The following TBC1D5 variants were observed in gnomAD, a reference collection of about 807,000 sequenced individuals.
TBC1D5 encodes TBC1 domain family member 5.
A neutral mutation model predicts 100.3 loss-of-function variants in TBC1D5; 75 were observed. That is an observed-to-expected ratio of 0.75 (90% CI 0.62 to 0.91). TBC1D5 has a LOEUF of 0.91. TBC1D5 is among the 40% of genes least tolerant of loss of function. The pLI is 0.00. For synonymous variants in TBC1D5, 323 were observed against 325.6 expected (o/e 0.99, Z 0.09); for missense variants, 910 against 942.4 (o/e 0.97, Z 0.45).
At chr3:17,646,620 C>T (rs1289793149) in intron 1 of TBC1D5, among the ~76,000 whole-genome samples, 1 of 152,140 alleles carries the variant, frequency 6.6e-6, no homozygotes, top group Non-Finnish European at 1.5e-5. Flanking sequence ...CAATCACCAT[C>T]ATGCCCCTGG....
intron 13 of TBC1D5, among the ~76,000 whole-genome samples, chr3:17,356,964 G>C (rs955392315): frequency 6.7e-6 from 1 of 149,582 alleles, no homozygotes; most frequent in East Asian, 1.9e-4. Context: ...TAAAAGTGGG[G>C]GTTGTGGGGA....
At chr3:17,685,684 C>T (rs1577461964) in intron 1 of TBC1D5, among the ~76,000 whole-genome samples, 2 of 152,040 alleles carry the variant, frequency 1.3e-5, no homozygotes, top group Admixed American at 1.3e-4. Flanking sequence ...TCTCATACAT[C>T]ATTAATATAA....
chr3:17,635,166 G>C (rs996701943), intron 1 of TBC1D5, among the ~76,000 whole-genome samples: 1 of 152,168 alleles, frequency 6.6e-6, no homozygotes, highest in Non-Finnish European at 1.5e-5. Context: ...CAACAGAGAT[G>C]GGGAAGACTA....
At chr3:17,739,528 C>A (rs1019443071) in exon 1 of TBC1D5, 1 of 152,144 alleles carries the variant, frequency 6.6e-6, no homozygotes, top group Admixed American at 6.5e-5. Context: ...AGGACAAGCC[C>A]AGGCAGGAAA....
chr3:17,704,661 A>C (rs2073745202), intron 1 of TBC1D5, among the ~76,000 whole-genome samples: 1 of 52,818 alleles, frequency 1.9e-5, no homozygotes, highest in African/African-American at 6.5e-5. Context: ...CGACCCCCCC[A>C]CCTCCCTCCC....
chr3:17,322,921 T>C (rs283932), intron 13 of TBC1D5, among the ~76,000 whole-genome samples: 108,351 of 152,114 alleles, frequency 0.71, 38,815 homozygotes, highest in African/African-American at 0.79. Context: ...ACCCGACAGG[T>C]GCCATCGTGC....
chr3:17,200,050 C>T (rs2071264975), intron 18 of TBC1D5, among the ~76,000 whole-genome samples: 1 of 124,988 alleles, frequency 8.0e-6, no homozygotes, highest in South Asian at 2.4e-4. Flanking sequence ...TCCCTTTTCA[C>T]AATTGTTTTT....
At chr3:17,233,889 A>T (rs1265870851) in intron 17 of TBC1D5, 139 bp from the exon 18 acceptor site, 1 of 500,318 alleles carries the variant, frequency 2.0e-6, no homozygotes, top group Admixed American at 3.8e-5. Flanking sequence ...ACAAGCTTAG[A>T]AAAATATAAA....
At chr3:17,644,927 TCAAAACAAAA>T (rs529583323) in intron 1 of TBC1D5, among the ~76,000 whole-genome samples, 192 of 152,080 alleles carry the variant, frequency 1.3e-3, no homozygotes, top group African/African-American at 4.3e-3. Flanking sequence ...TTTAATTTAT[TCAAAACAAAA>T]CAAAACAAAA....
intron 2 of TBC1D5, among the ~76,000 whole-genome samples, chr3:17,552,799 A>T (rs1026303967): frequency 6.6e-6 from 1 of 152,154 alleles, no homozygotes; most frequent in African/African-American, 2.4e-5. Flanking sequence ...GGAGTTTGTC[A>T]TGGGAGTTTG....
intron 13 of TBC1D5, among the ~76,000 whole-genome samples, chr3:17,310,652 G>C (rs945277586): frequency 7.2e-5 from 11 of 151,948 alleles, no homozygotes; most frequent in Non-Finnish European, 2.9e-5. Context: ...TACAGGCATT[G>C]ATCTTGTTAG....
At chr3:17,617,749 G>C (rs1452028392) in intron 2 of TBC1D5, among the ~76,000 whole-genome samples, 3 of 152,124 alleles carry the variant, frequency 2.0e-5, no homozygotes. Flanking sequence ...AGCTCCATCA[G>C]GTCATTTAAG....
rs551239186 is a variant in TBC1D5 at position 17,340,952 on chromosome 3, G to A, written c.995+31123C>T. On this transcript the variant is annotated intron_variant, in intron 13 of 21. Coordinates refer to ENST00000253692, the Ensembl canonical transcript of TBC1D5. Reference sequence around the variant, plus strand: ...ATAAACTTCTGAACAACAGGCACTGGCTTCTGCAACTTACAACGTTCTGAA... The same window carrying A: ...ATAAACTTCTGAACAACAGGCACTGACTTCTGCAACTTACAACGTTCTGAA... 1.4e-4 allele frequency among the ~76,000 whole-genome samples: 22 copies of A among 152,242 alleles called. No homozygotes were observed. The South Asian group carries it at 1.7e-3, about 11-fold the overall frequency.
intron 9 of TBC1D5, 100 bp from the exon 10 acceptor site, chr3:17,376,713 T>A: frequency 1.1e-6 from 1 of 903,120 alleles, no homozygotes; most frequent in Non-Finnish European, 1.6e-6. Flanking sequence ...CAATTCCCAC[T>A]AGCAAAATTT....
intron 17 of TBC1D5, among the ~76,000 whole-genome samples, chr3:17,226,846 A>G (rs1002500895): frequency 8.5e-5 from 13 of 152,280 alleles, no homozygotes; most frequent in African/African-American, 2.9e-4. Context: ...TTTAGATTGT[A>G]AGACATTCTT....
intron 13 of TBC1D5, among the ~76,000 whole-genome samples, chr3:17,342,482 A>C (rs2089154338): frequency 6.6e-6 from 1 of 152,222 alleles, no homozygotes. Flanking sequence ...CTGTATTTCT[A>C]GTTAGTACAG....
chr3:17,381,916 A>G (rs1457523392), intron 9 of TBC1D5, among the ~76,000 whole-genome samples: 1 of 152,036 alleles, frequency 6.6e-6, no homozygotes. Flanking sequence ...GCACGTCAAT[A>G]TCCTTTTCTT....
chr3:17,636,754 T>C (rs973022555), intron 1 of TBC1D5, among the ~76,000 whole-genome samples: 26 of 151,550 alleles, frequency 1.7e-4, no homozygotes, highest in Admixed American at 4.6e-4. Context: ...CAAGCCGAGA[T>C]CATGCCACTG....
chr3:17,401,320 GTGTATAATATACATATA>G (rs66588897), intron 8 of TBC1D5, among the ~76,000 whole-genome samples: 106,895 of 119,540 alleles, frequency 0.89, 47,953 homozygotes, highest in Admixed American at 0.92. Context: ...ATATATGTAT[GTGTATAATATACATATA>G]TGTATAATAT....
Sources: allele counts gnomAD v4.1 joint callset (sites outside exome capture counted in the v4.1 genomes callset), GRCh38; gene constraint gnomAD v4.1.1; transcripts MANE v1.5; gene names NCBI Gene and HGNC (gene_info 2026-07-23, HGNC 2026-07-21).